DLG2: variants seen among roughly 807,000 people sequenced by gnomAD.
DLG2 encodes disks large homolog 2.
A neutral mutation model predicts 132.5 loss-of-function variants in DLG2; 45 were observed. The ratio of observed to expected loss-of-function variants is 0.34; its 90% CI spans 0.27 to 0.44. DLG2 has a LOEUF of 0.44. Among genes scored for constraint, DLG2 ranks in the 20% least tolerant of loss-of-function variants. The probability of loss-of-function intolerance (pLI) is 1.00; values close to 1 mark genes in which losing one functional copy is unlikely to be tolerated. For missense variants in DLG2, 1,045 were observed against 1,196.9 expected (o/e 0.87, Z 1.87); for synonymous variants, 424 against 419.6 (o/e 1.01, Z -0.13).
chr11:85,310,504 G>A (rs752116874), intron 3 of DLG2, among the ~76,000 whole-genome samples: 1 of 152,140 alleles, frequency 6.6e-6, no homozygotes, highest in Non-Finnish European at 1.5e-5. Context: ...TCACCCAAGA[G>A]GCCTGGCCTA....
intron 6 of DLG2, among the ~76,000 whole-genome samples, chr11:84,810,594 A>G (rs79021762): frequency 0.015 from 2,310 of 152,300 alleles, 63 homozygotes; most frequent in African/African-American, 0.053. Context: ...AAAACAAAAC[A>G]TGCAACTATT....
chr11:84,759,494 CTTCA>C (rs1253920360), intron 6 of DLG2, among the ~76,000 whole-genome samples: 1 of 152,130 alleles, frequency 6.6e-6, no homozygotes, highest in Non-Finnish European at 1.5e-5. Flanking sequence ...CACAGCTATA[CTTCA>C]TTGTGAGGCT....
chr11:85,576,761 C>T (rs1427049143), intron 3 of DLG2, among the ~76,000 whole-genome samples: 17 of 151,954 alleles, frequency 1.1e-4, no homozygotes. Context: ...GGAGGGAACA[C>T]ATCACAAATA....
intron 6 of DLG2, among the ~76,000 whole-genome samples, chr11:84,868,894 T>C (rs2085043183): frequency 6.6e-6 from 1 of 152,216 alleles, no homozygotes; most frequent in Non-Finnish European, 1.5e-5. Flanking sequence ...GATAAAGTCA[T>C]ATCTGACTAT....
At chr11:84,940,953 AGTTTT>A (rs1345105491) in intron 6 of DLG2, among the ~76,000 whole-genome samples, 1 of 152,188 alleles carries the variant, frequency 6.6e-6, no homozygotes, top group African/African-American at 2.4e-5. Flanking sequence ...ATGGATATTC[AGTTTT>A]CCCAGGACTA....
At chr11:85,446,972 A>AT (rs2092038876) in intron 3 of DLG2, among the ~76,000 whole-genome samples, 1 of 152,160 alleles carries the variant, frequency 6.6e-6, no homozygotes, top group South Asian at 2.1e-4. Flanking sequence ...AATCACGGCA[A>AT]TTTTACGTTA....
chr11:83,678,973 C>T (rs1204481584), intron 18 of DLG2, among the ~76,000 whole-genome samples: 2 of 152,030 alleles, frequency 1.3e-5, no homozygotes, highest in Non-Finnish European at 2.9e-5. Flanking sequence ...ATTCCCTAAA[C>T]TCTGAGAGGG....
At chr11:84,918,410 G>A (rs1311652220) in intron 6 of DLG2, among the ~76,000 whole-genome samples, 1 of 152,120 alleles carries the variant, frequency 6.6e-6, no homozygotes, top group Non-Finnish European at 1.5e-5. Context: ...TTCGAAGATA[G>A]ATATAGACAC....
At chr11:84,592,010 C>T (rs981654884) in intron 6 of DLG2, among the ~76,000 whole-genome samples, 5 of 152,162 alleles carry the variant, frequency 3.3e-5, no homozygotes, top group Middle Eastern at 3.4e-3. Context: ...TGAGCCATCA[C>T]GCCAGGCTGA....
At chr11:84,276,253 C>T (rs926629232) in intron 7 of DLG2, among the ~76,000 whole-genome samples, 6 of 152,274 alleles carry the variant, frequency 3.9e-5, no homozygotes, top group Non-Finnish European at 5.9e-5. Context: ...CATTGATATA[C>T]GTTTGGAGGC....
intron 6 of DLG2, among the ~76,000 whole-genome samples, chr11:84,902,148 A>G (rs2090966958): frequency 6.6e-6 from 1 of 152,124 alleles, no homozygotes. Context: ...GGAAATCTGG[A>G]CGCAGGCCTT....
intron 4 of DLG2, among the ~76,000 whole-genome samples, chr11:85,249,053 A>C (rs2076272543): frequency 6.6e-6 from 1 of 152,122 alleles, no homozygotes; most frequent in Admixed American, 6.6e-5. Context: ...AGCCACTATA[A>C]GTATTAAAAA....
At chr11:84,336,863 G>A (rs1258535143) in intron 7 of DLG2, among the ~76,000 whole-genome samples, 1 of 152,158 alleles carries the variant, frequency 6.6e-6, no homozygotes, top group African/African-American at 2.4e-5. Context: ...TACAAATTGA[G>A]TATTCTTGCT....
chr11:83,681,195 T>C (rs1002130005), intron 18 of DLG2, among the ~76,000 whole-genome samples: 1 of 152,146 alleles, frequency 6.6e-6, no homozygotes, highest in African/African-American at 2.4e-5. Flanking sequence ...CGTCAAGCTG[T>C]CGGTTTCCAT....
chr11:84,707,408 A>C (rs1199198572), intron 6 of DLG2, among the ~76,000 whole-genome samples: 1 of 151,846 alleles, frequency 6.6e-6, no homozygotes, highest in Non-Finnish European at 1.5e-5. Context: ...TTGACACTAA[A>C]AGTGTAAATA....
At chr11:84,993,366 G>A (rs186751227) in intron 6 of DLG2, among the ~76,000 whole-genome samples, 3 of 152,100 alleles carry the variant, frequency 2.0e-5, no homozygotes, top group African/African-American at 4.8e-5. Context: ...CAATCAGGCT[G>A]GTGGGAAAAA....
chr11:84,059,232 A>C, intron 11 of DLG2, 83 bp downstream of exon 11: 1 of 1,349,312 alleles, frequency 7.4e-7, no homozygotes. Flanking sequence ...GAGGTTAAAG[A>C]GTTCATCATA....
chr11:85,369,055 T>C (rs547606299), intron 3 of DLG2, among the ~76,000 whole-genome samples: 22 of 152,210 alleles, frequency 1.4e-4, no homozygotes, highest in Non-Finnish European at 7.4e-5. Context: ...GTGAATGAAA[T>C]GGGGACTCAA....
intron 6 of DLG2, among the ~76,000 whole-genome samples, chr11:84,794,669 C>T (rs555443942): frequency 6.6e-6 from 1 of 152,312 alleles, no homozygotes; most frequent in African/African-American, 2.4e-5. Context: ...AGTGCCTGCT[C>T]CCGCTCCCTG....
Sources: gnomAD v4.1 joint callset for allele counts (sites outside exome capture counted in the v4.1 genomes callset) on GRCh38, gnomAD v4.1.1 for gene constraint, MANE v1.5 for transcripts, NCBI Gene and HGNC (gene_info 2026-07-23, HGNC 2026-07-21) for gene names.